CPA6: variants seen among roughly 807,000 people sequenced by gnomAD.
CPA6 encodes carboxypeptidase A6.
In CPA6, 58 loss-of-function variants were observed where a neutral mutation model predicts 63.3. The observed-to-expected ratio is 0.92, with a 90% CI of 0.74 to 1.14. The LOEUF (loss-of-function observed/expected upper bound fraction) is 1.14, where lower values mean the gene tolerates loss of function less well. Ranked by LOEUF, CPA6 falls within the 50% of genes most tolerant of loss-of-function variation. CPA6 has a pLI of 0.00. For synonymous variants in CPA6, 185 were observed against 179.0 expected (o/e 1.03, Z -0.27); for missense variants, 565 against 526.6 (o/e 1.07, Z -0.71).
chr8:67,639,362 C>T (rs888800772), intron 1 of CPA6, among the ~76,000 whole-genome samples: 1 of 151,564 alleles, frequency 6.6e-6, no homozygotes, highest in Non-Finnish European at 1.5e-5. Flanking sequence ...GCCTGGATCC[C>T]ATGCCTGCCA....
intron 1 of CPA6, among the ~76,000 whole-genome samples, chr8:67,711,563 C>A (rs750694983): frequency 6.6e-6 from 1 of 152,086 alleles, no homozygotes; most frequent in Non-Finnish European, 1.5e-5. Context: ...CCTGAGGAGG[C>A]TCTTGGTTGG....
intron 1 of CPA6, among the ~76,000 whole-genome samples, chr8:67,725,223 CATT>C (rs1280546553): frequency 2.6e-5 from 4 of 152,142 alleles, no homozygotes; most frequent in African/African-American, 9.7e-5. Flanking sequence ...TTTACTTGTT[CATT>C]GTTTGTTTCC....
At chr8:67,469,156 C>A (rs1017035267) in intron 8 of CPA6, among the ~76,000 whole-genome samples, 1 of 152,146 alleles carries the variant, frequency 6.6e-6, no homozygotes, top group African/African-American at 2.4e-5. Flanking sequence ...TTTGGCTAGG[C>A]CACAGCACCT....
intron 1 of CPA6, among the ~76,000 whole-genome samples, chr8:67,654,385 T>C (rs1379085386): frequency 2.6e-5 from 4 of 152,198 alleles, no homozygotes; most frequent in Non-Finnish European, 5.9e-5. Context: ...GGACTCTTTT[T>C]GTTGGTAAGC....
At chr8:67,468,501 G>A (rs1466511286) in intron 8 of CPA6, among the ~76,000 whole-genome samples, 2 of 151,764 alleles carry the variant, frequency 1.3e-5, no homozygotes, top group Non-Finnish European at 2.9e-5. Flanking sequence ...CAGGAGAATC[G>A]CTTGAACCTG....
chr8:67,711,841 G>A (rs2129000408), intron 1 of CPA6, among the ~76,000 whole-genome samples: 1 of 152,214 alleles, frequency 6.6e-6, no homozygotes, highest in East Asian at 1.9e-4. Context: ...GGCAGTAGTT[G>A]AAAGAAGACA....
chr8:67,510,146 T>C (rs968687035), intron 4 of CPA6, among the ~76,000 whole-genome samples: 34 of 152,194 alleles, frequency 2.2e-4, no homozygotes, highest in African/African-American at 8.0e-4. Context: ...AAACTCTGAA[T>C]AATTTCTCCA....
At chr8:67,704,558 C>A (rs910895953) in intron 1 of CPA6, among the ~76,000 whole-genome samples, 1 of 152,158 alleles carries the variant, frequency 6.6e-6, no homozygotes, top group African/African-American at 2.4e-5. Flanking sequence ...GGACAGATTA[C>A]CATTAGAACA....
intron 2 of CPA6, among the ~76,000 whole-genome samples, chr8:67,585,853 T>C (rs1028799544): frequency 2.0e-4 from 30 of 152,028 alleles, no homozygotes; most frequent in African/African-American, 7.0e-4. Context: ...ACTAGATTAA[T>C]GGTAGGGGGT....
chr8:67,637,981 TTGTG>T (rs3055710), intron 1 of CPA6, among the ~76,000 whole-genome samples: 2,553 of 146,652 alleles, frequency 0.017, 114 homozygotes, highest in African/African-American at 0.048. Context: ...GCTAGAAATT[TTGTG>T]TGTGTGTGTG....
intron 1 of CPA6, among the ~76,000 whole-genome samples, chr8:67,647,233 G>A (rs963468622): frequency 6.6e-6 from 1 of 152,174 alleles, no homozygotes; most frequent in African/African-American, 2.4e-5. Flanking sequence ...ATGTTTCAAT[G>A]AGTTTGAGAA....
At chr8:67,580,532 T>A (rs1388294791) in intron 2 of CPA6, among the ~76,000 whole-genome samples, 1 of 152,186 alleles carries the variant, frequency 6.6e-6, no homozygotes, top group Non-Finnish European at 1.5e-5. Context: ...AGTCTCTTGT[T>A]TTTGGGGTTT....
At chr8:67,575,137 C>T (rs1441420494) in intron 2 of CPA6, among the ~76,000 whole-genome samples, 1 of 152,082 alleles carries the variant, frequency 6.6e-6, no homozygotes, top group Non-Finnish European at 1.5e-5. Context: ...GAAAAAAATG[C>T]TTGACATTAT....
intron 2 of CPA6, among the ~76,000 whole-genome samples, chr8:67,550,940 T>G (rs1474934926): frequency 6.6e-6 from 1 of 152,196 alleles, no homozygotes; most frequent in Non-Finnish European, 1.5e-5. Flanking sequence ...ATTTAGACCT[T>G]TGTCAAAAGC....
chr8:67,616,501 ATGTGTGTGTGTGTGTG>A (rs4009134), intron 2 of CPA6, among the ~76,000 whole-genome samples: 145 of 127,040 alleles, frequency 1.1e-3, no homozygotes, highest in South Asian at 5.4e-3. Context: ...GGCAAATTGA[ATGTGTGTGTGTGTGTG>A]TGTGTGTGTG....
At chr8:67,659,582 C>A (rs1277657083) in intron 1 of CPA6, among the ~76,000 whole-genome samples, 1 of 152,186 alleles carries the variant, frequency 6.6e-6, no homozygotes, top group Non-Finnish European at 1.5e-5. Flanking sequence ...TCAGAGTCTC[C>A]TGGCGCTTGG....
chr8:67,556,294 T>C (rs1188877666), intron 2 of CPA6, among the ~76,000 whole-genome samples: 1 of 151,956 alleles, frequency 6.6e-6, no homozygotes, highest in African/African-American at 2.4e-5. Context: ...TCCCTACAGA[T>C]CCTCTGGGCT....
At chr8:67,522,970 A>G (rs1490006027) in intron 2 of CPA6, among the ~76,000 whole-genome samples, 2 of 152,236 alleles carry the variant, frequency 1.3e-5, no homozygotes, top group Non-Finnish European at 2.9e-5. Flanking sequence ...TACCGAAGGA[A>G]TCCTATAATA....
intron 2 of CPA6, among the ~76,000 whole-genome samples, chr8:67,606,222 C>A (rs546107218): frequency 1.9e-4 from 28 of 151,048 alleles, no homozygotes; most frequent in Admixed American, 1.4e-3. Flanking sequence ...AGGAGATATA[C>A]CTAATGCTAA....
Sources: gnomAD v4.1 joint callset for allele counts (sites outside exome capture counted in the v4.1 genomes callset) on GRCh38, gnomAD v4.1.1 for gene constraint, MANE v1.5 for transcripts, NCBI Gene and HGNC (gene_info 2026-07-23, HGNC 2026-07-21) for gene names.